The following CADM1 variants were observed in gnomAD, a reference collection of about 807,000 sequenced individuals.
The protein encoded by CADM1 is cell adhesion molecule 1.
CADM1 carries 15 observed loss-of-function variants against 53.1 expected under a neutral mutation model. That is an observed-to-expected ratio of 0.28 (90% CI 0.19 to 0.44). The LOEUF (loss-of-function observed/expected upper bound fraction) is 0.44, where lower values mean the gene tolerates loss of function less well. Ranked by LOEUF, CADM1 falls within the 20% of genes least tolerant of loss-of-function variation. The probability of loss-of-function intolerance (pLI) is 1.00; values close to 1 mark genes in which losing one functional copy is unlikely to be tolerated. For synonymous variants in CADM1, 281 were observed against 243.0 expected, an observed-to-expected ratio of 1.16 and a Z score of -1.45; for missense variants, 434 against 611.3, an observed-to-expected ratio of 0.71 and a Z score of 3.06.
chr11:115,199,669 C>G (rs1159759113), intron 8 of CADM1, among the ~76,000 whole-genome samples: 1 of 152,224 alleles, frequency 6.6e-6, no homozygotes. Context: ...TCTGGCCATA[C>G]TTTCATTTTG....
chr11:115,479,303 T>C (rs1349175709), intron 1 of CADM1, among the ~76,000 whole-genome samples: 2 of 152,126 alleles, frequency 1.3e-5, no homozygotes, highest in Non-Finnish European at 2.9e-5. Context: ...AATATTCCAG[T>C]TTTAAGAAAT....
intron 1 of CADM1, among the ~76,000 whole-genome samples, chr11:115,464,788 G>C (rs1948864077): frequency 6.6e-6 from 1 of 152,164 alleles, no homozygotes; most frequent in African/African-American, 2.4e-5. Flanking sequence ...CAACCACATA[G>C]GCCAAATTTA....
chr11:115,368,331 T>C (rs1946225290), intron 1 of CADM1, among the ~76,000 whole-genome samples: 2 of 152,094 alleles, frequency 1.3e-5, no homozygotes, highest in Non-Finnish European at 2.9e-5. Flanking sequence ...TAAAAAGGGT[T>C]GTTTACAATA....
chr11:115,473,968 T>A (rs1332729831), intron 1 of CADM1, among the ~76,000 whole-genome samples: 1 of 152,080 alleles, frequency 6.6e-6, no homozygotes, highest in Non-Finnish European at 1.5e-5. Context: ...CTCTCAATAC[T>A]TGACAATAAG....
intron 1 of CADM1, among the ~76,000 whole-genome samples, chr11:115,302,575 C>T (rs1944257474): frequency 6.6e-6 from 1 of 151,866 alleles, no homozygotes; most frequent in Admixed American, 6.6e-5. Flanking sequence ...AAAGTTTGTA[C>T]TTTGTTGTTA....
At position 115,370,164 on chromosome 11, in the gene CADM1, G is replaced by T. The variant is rs570634906; in HGVS notation, c.125-129744C>A. On this transcript the variant is annotated intron_variant, in intron 1 of 11. Transcript: ENST00000331581. ...CTCTCTCCAGACAAGTACAGGTAAG[G>T]TTCTAATCTATTGATGGGTAAAGTG... Among the ~76,000 whole-genome samples the T allele has an allele frequency of 3.3e-5, 5 of 152,214 alleles. No individual in the cohort carries two copies. In the South Asian group the frequency reaches 1.0e-3, roughly 32 times the overall value.
intron 1 of CADM1, among the ~76,000 whole-genome samples, chr11:115,383,804 A>C (rs1475527526): frequency 6.6e-6 from 1 of 152,216 alleles, no homozygotes; most frequent in African/African-American, 2.4e-5. Context: ...CTGTTAACCC[A>C]AATGGCTGAT....
chr11:115,355,625 T>C (rs959157938), intron 1 of CADM1, among the ~76,000 whole-genome samples: 2 of 151,688 alleles, frequency 1.3e-5, no homozygotes, highest in African/African-American at 4.8e-5. Context: ...AAAAAAGGTA[T>C]AAAAAAGAGA....
chr11:115,190,113 G>A (rs1011018579), intron 10 of CADM1, among the ~76,000 whole-genome samples: 1 of 152,174 alleles, frequency 6.6e-6, no homozygotes, highest in Non-Finnish European at 1.5e-5. Context: ...ATAACAAGAA[G>A]GGCCTTGCTT....
chr11:115,397,664 G>C (rs1328905755), intron 1 of CADM1: 1 of 151,784 alleles, frequency 6.6e-6, no homozygotes, highest in Non-Finnish European at 1.5e-5. Context: ...ACCAACACAT[G>C]ATCTGTATAG....
At chr11:115,468,032 C>T (rs1196662346) in intron 1 of CADM1, among the ~76,000 whole-genome samples, 2 of 152,186 alleles carry the variant, frequency 1.3e-5, no homozygotes, top group African/African-American at 2.4e-5. Flanking sequence ...GTGCTACACT[C>T]AGCTTACGGT....
At chr11:115,446,104 T>C (rs1353821408) in intron 1 of CADM1, among the ~76,000 whole-genome samples, 1 of 152,146 alleles carries the variant, frequency 6.6e-6, no homozygotes, top group Non-Finnish European at 1.5e-5. Flanking sequence ...TTCAAGGAGC[T>C]TACAATTTCA....
At chr11:115,238,031 A>G (rs1337171247) in intron 3 of CADM1, among the ~76,000 whole-genome samples, 1 of 152,186 alleles carries the variant, frequency 6.6e-6, no homozygotes, top group Non-Finnish European at 1.5e-5. Flanking sequence ...GCAATAAACA[A>G]GGCCGTAAGT....
chr11:115,403,102 C>T (rs1372722051), intron 1 of CADM1, among the ~76,000 whole-genome samples: 1 of 152,156 alleles, frequency 6.6e-6, no homozygotes, highest in Non-Finnish European at 1.5e-5. Context: ...TTAACGTTGC[C>T]AATAACAGGA....
intron 1 of CADM1, among the ~76,000 whole-genome samples, chr11:115,272,041 T>C (rs1443386975): frequency 2.0e-5 from 3 of 152,104 alleles, no homozygotes; most frequent in Non-Finnish European, 2.9e-5. Flanking sequence ...AGGTCTTAAA[T>C]GTTAGTTTAA....
At chr11:115,466,194 A>G (rs1018998582) in intron 1 of CADM1, among the ~76,000 whole-genome samples, 16 of 152,196 alleles carry the variant, frequency 1.1e-4, no homozygotes, top group Admixed American at 6.5e-5. Flanking sequence ...TAAGTCTGCA[A>G]CAGTTCCTGT....
chr11:115,351,785 G>T (rs549115286), intron 1 of CADM1, among the ~76,000 whole-genome samples: 1 of 152,282 alleles, frequency 6.6e-6, no homozygotes, highest in Admixed American at 6.5e-5. Context: ...CTAGGGCATA[G>T]GAGCCCCTCT....
rs75023373 is a variant in CADM1 at position 115,374,799 on chromosome 11, G to A, written c.124+129472C>T. Among the ~76,000 whole-genome samples, 1,756 of 152,238 alleles carry A rather than the reference G, an allele frequency of 0.012. 85 individuals are homozygous for A. In the East Asian group the frequency reaches 0.12, roughly 10 times the overall value. The stretch of plus-strand genomic sequence containing the variant: ...GGGCAATTATGGGACAAGCAGTCCA[G>A]TTTCTTAAACTTCGAGGGAGAAAAA... On this transcript the variant is annotated intron_variant, in intron 1 of 11. Coordinates refer to ENST00000331581, the MANE Select transcript of CADM1 (RefSeq NM_001301043.2).
chr11:115,448,370 C>T (rs1227634640), intron 1 of CADM1, among the ~76,000 whole-genome samples: 3 of 152,076 alleles, frequency 2.0e-5, no homozygotes, highest in African/African-American at 7.2e-5. Flanking sequence ...ATGAGGGCTG[C>T]CTCAGAATTA....
Sources: allele counts gnomAD v4.1 joint callset (sites outside exome capture counted in the v4.1 genomes callset), GRCh38; gene constraint gnomAD v4.1.1; transcripts MANE v1.5; gene names NCBI Gene and HGNC (gene_info 2026-07-23, HGNC 2026-07-21).